The following AFF2 variants were observed in gnomAD, a reference collection of about 807,000 sequenced individuals.
The protein encoded by AFF2 is AF4/FMR2 family member 2.
In AFF2, 14 loss-of-function variants were observed where a neutral mutation model predicts 76.9. The ratio of observed to expected loss-of-function variants is 0.18; its 90% CI spans 0.12 to 0.28. The LOEUF is 0.28. Ranked by LOEUF, AFF2 falls within the 10% of genes least tolerant of loss-of-function variation. The pLI, the probability that AFF2 is intolerant of heterozygous loss-of-function variation, is 1.00. For missense variants in AFF2, 868 were observed against 1,001.1 expected, an observed-to-expected ratio of 0.87 and a Z score of 1.79; for synonymous variants, 398 against 366.7, an observed-to-expected ratio of 1.09 and a Z score of -0.98.
At chrX:148,962,613 C>A in intron 12 of AFF2, 102 bp from the exon 13 acceptor site, 1 of 638,730 alleles carries the variant, frequency 1.6e-6, no homozygotes. Context: ...AGAGGGACAG[C>A]AATTAAAATA....
intron 1 of AFF2, among the ~76,000 whole-genome samples, chrX:148,591,895 C>T (rs1035361528): frequency 1.8e-5 from 2 of 112,404 alleles, no homozygotes; most frequent in Non-Finnish European, 3.8e-5. Context: ...TTGTTTTCAT[C>T]GAAAATGCAG....
chrX:148,648,561 CAAAA>C (rs1241628949), intron 1 of AFF2, among the ~76,000 whole-genome samples: 1 of 23,057 alleles, frequency 4.3e-5, no homozygotes, highest in African/African-American at 1.4e-4. Flanking sequence ...AAAACTCCGT[CAAAA>C]AAAAAAAAAA....
At chrX:148,688,806 C>T (rs1339493146) in intron 3 of AFF2, among the ~76,000 whole-genome samples, 2 of 111,347 alleles carry the variant, frequency 1.8e-5, no homozygotes, top group Admixed American at 9.5e-5. Context: ...GTATGGCAAG[C>T]GACTATACTA....
chrX:148,835,010 T>C (rs1470302795), intron 4 of AFF2, among the ~76,000 whole-genome samples: 2 of 112,362 alleles, frequency 1.8e-5, no homozygotes, highest in African/African-American at 6.5e-5. Context: ...TCAGTTGTAA[T>C]TGAAAATGTA....
At chrX:148,864,761 A>G (rs1557276707) in intron 7 of AFF2, among the ~76,000 whole-genome samples, 1 of 112,359 alleles carries the variant, frequency 8.9e-6, no homozygotes, top group East Asian at 2.8e-4. Context: ...CAGCAAGTGT[A>G]AAACAAAATA....
chrX:148,629,101 TTGTGTGTGTGTG>T (rs58772444), intron 1 of AFF2, among the ~76,000 whole-genome samples: 1 of 102,842 alleles, frequency 9.7e-6, no homozygotes, highest in Non-Finnish European at 2.0e-5. Flanking sequence ...TGACAAGAGT[TTGTGTGTGTGTG>T]TGTGTGTGTG....
rs193922937 is a variant in AFF2, at chrX:148,500,637, TGCCGCCGCCGCCGCCGCCGCC to T, written c.-434_-414del. The T allele has an allele frequency of 5.2e-4, 38 of 73,748 alleles. No homozygotes were observed. Among genetic ancestry groups the T allele is most frequent in the Admixed American group, 1.6e-3 (11 of 6,673 alleles). 6.1% of individuals were successfully genotyped at this position (73,748 alleles called of 1,213,427 possible). ...CCGCCGCCGCCGCCTGTGCAGCCGC[TGCCGCCGCCGCCGCCGCCGCC>T]GCCGCCGCCGCCGCCGCCGCCGCCG... On this transcript the variant is annotated 5_prime_UTR_variant, in exon 1 of 21. Transcript: ENST00000370460.
At chrX:148,973,335 A>G (rs1557289752) in intron 15 of AFF2, 136 bp from the exon 16 acceptor site, 6 of 783,496 alleles carry the variant, frequency 7.7e-6, no homozygotes, top group Non-Finnish European at 1.1e-5. Context: ...CAGGGGTGAC[A>G]ACTGAAAGTG....
intron 3 of AFF2, among the ~76,000 whole-genome samples, chrX:148,800,784 A>C (rs2070047814): frequency 8.9e-6 from 1 of 112,234 alleles, no homozygotes; most frequent in African/African-American, 3.2e-5. Context: ...AGTCCAAGAC[A>C]CATAAAAGAT....
At chrX:148,889,119 A>G (rs1557279439) in intron 8 of AFF2, among the ~76,000 whole-genome samples, 1 of 111,993 alleles carries the variant, frequency 8.9e-6, no homozygotes, top group Non-Finnish European at 1.9e-5. Flanking sequence ...ACAGTATCTA[A>G]GAGCTTATAA....
At chrX:148,585,827 C>T (rs1343506994) in intron 1 of AFF2, among the ~76,000 whole-genome samples, 14 of 84,824 alleles carry the variant, frequency 1.7e-4, no homozygotes, top group Admixed American at 6.9e-4. Context: ...GGCGACAGAG[C>T]GAGACTGCGT....
At chrX:148,804,794 C>T (rs1304427603) in intron 3 of AFF2, among the ~76,000 whole-genome samples, 2 of 112,058 alleles carry the variant, frequency 1.8e-5, no homozygotes, top group Non-Finnish European at 3.8e-5. Flanking sequence ...TAACTGTTCC[C>T]GTTTAATCAT....
chrX:148,943,686 T>C (rs369046444), intron 9 of AFF2, among the ~76,000 whole-genome samples: 1 of 112,137 alleles, frequency 8.9e-6, no homozygotes, highest in African/African-American at 3.2e-5. Flanking sequence ...CTTGGAACCA[T>C]AGAGTCACAG....
chrX:148,983,953 C>CAAAAAAAAAAAGAAAAAAAAAAAAAA (rs781932499), intron 19 of AFF2, among the ~76,000 whole-genome samples: 1 of 29,124 alleles, frequency 3.4e-5, no homozygotes, highest in African/African-American at 1.2e-4. Context: ...GTGAAATAGA[C>CAAAAAAAAAAAGAAAAAAAAAAAAAA]AAAAAAAAAA....
rs548569376 is a variant in AFF2 at position 148,614,693 on chromosome X, T to TTTTCTTTCTTTC, written c.48-37277_48-37266dup. 4.4e-3 allele frequency among the ~76,000 whole-genome samples: 249 copies of TTTTCTTTCTTTC among 56,104 alleles called. 1 individual carries two copies. The highest frequency in any genetic ancestry group is 0.013 in the African/African-American group (121 of 9,356). The allele number at this position is 56,104 out of a possible 115,157, so 48.7% of individuals were successfully genotyped here. A position where few individuals can be genotyped will look rare whatever the true frequency, so the allele number is the denominator to read the frequency against. ...CTTTTCTTCCTTCTTTCCTTCTTTCTTTTCTTTCTTTCTTTCTTTCTTTCT... is the reference window on the plus strand; with the variant it reads ...CTTTTCTTCCTTCTTTCCTTCTTTCTTTTCTTTCTTTCTTTCTTTCTTTCTTTCTTTCTTTCT... On this transcript the variant is annotated intron_variant, in intron 1 of 20. Coordinates refer to ENST00000370460, the MANE Select transcript of AFF2 (RefSeq NM_002025.4).
At chrX:148,522,456 A>G (rs2052612653) in intron 1 of AFF2, among the ~76,000 whole-genome samples, 1 of 112,488 alleles carries the variant, frequency 8.9e-6, no homozygotes, top group Non-Finnish European at 1.9e-5. Flanking sequence ...ACAGGCATAC[A>G]TTGTGTCTAC....
At chrX:148,525,895 C>T (rs2052652741) in intron 1 of AFF2, among the ~76,000 whole-genome samples, 1 of 111,739 alleles carries the variant, frequency 8.9e-6, no homozygotes, top group African/African-American at 3.3e-5. Flanking sequence ...TCTGACTGCT[C>T]TGTGTGCTTA....
chrX:148,896,749 A>G (rs1569556758), intron 8 of AFF2, among the ~76,000 whole-genome samples: 1 of 111,076 alleles, frequency 9.0e-6, no homozygotes, highest in Non-Finnish European at 1.9e-5. Context: ...AGGACATGCT[A>G]CAGAGCCTGG....
At chrX:148,764,635 G>A (rs1269025158) in intron 3 of AFF2, among the ~76,000 whole-genome samples, 2 of 112,122 alleles carry the variant, frequency 1.8e-5, no homozygotes, top group African/African-American at 6.5e-5. Flanking sequence ...ATTTCTGTCT[G>A]CAAAGTCTCT....
Sources: gnomAD v4.1 joint callset for allele counts (sites outside exome capture counted in the v4.1 genomes callset) on GRCh38, gnomAD v4.1.1 for gene constraint, MANE v1.5 for transcripts, NCBI Gene and HGNC (gene_info 2026-07-23, HGNC 2026-07-21) for gene names.